Variants in PIWIL1 observed in about 807,000 individuals in gnomAD.
PIWIL1 encodes piwi-like protein 1.
PIWIL1 carries 73 observed loss-of-function variants against 114.4 expected under a neutral mutation model. The ratio of observed to expected loss-of-function variants is 0.64; its 90% CI spans 0.53 to 0.78. PIWIL1 has a LOEUF of 0.78. Among genes scored for constraint, PIWIL1 ranks in the 30% least tolerant of loss-of-function variants. The pLI is 0.00. For missense variants in PIWIL1, 723 were observed against 1,063.1 expected, an observed-to-expected ratio of 0.68 and a Z score of 4.45; for synonymous variants, 375 against 369.0, an observed-to-expected ratio of 1.02 and a Z score of -0.19.
the PIWIL1 span, among the ~76,000 whole-genome samples, chr12:130,380,808 T>C: frequency 6.6e-6 from 1 of 152,250 alleles, no homozygotes; most frequent in Non-Finnish European, 1.5e-5. Flanking sequence ...CTGTTGATTA[T>C]GTGCAGGAGA....
chr12:130,392,315 A>ACG, the PIWIL1 span, among the ~76,000 whole-genome samples: 249 of 108,208 alleles, frequency 2.3e-3, 67 homozygotes, highest in Non-Finnish European at 3.1e-3. Context: ...CACCGTCATC[A>ACG]TGTGTCCGTC....
intron 1 of PIWIL1, chr12:130,342,344 A>T: frequency 1.9e-6 from 1 of 530,056 alleles, no homozygotes; most frequent in Non-Finnish European, 3.4e-6. Flanking sequence ...GTCTTATATT[A>T]AAATAGGTTT....
downstream of PIWIL1, among the ~76,000 whole-genome samples, chr12:130,376,945 C>T (rs1390832986): frequency 6.6e-6 from 1 of 152,206 alleles, no homozygotes. Context: ...GCCTGGTTTC[C>T]TCTGCCTGCT....
At chr12:130,422,427 A>G in the PIWIL1 span, 101 of 1,523,432 alleles carry the variant, frequency 6.6e-5, 1 homozygote, top group Non-Finnish European at 8.1e-5. This position sits in a 1 kb window ranked among gnomAD's most constrained non-coding sequence, Gnocchi z 5.2. Flanking sequence ...GCTGAAAGAC[A>G]CAACAGCGAT....
chr12:130,355,595 C>T lies in PIWIL1; in HGVS notation c.1332C>T (p.Ser444=). ...GGGAGCTTCGAGACTGGGGTTTGAG[C>T]TTTGATTCCAACTTACTGTCCTTCT... The part of the protein sequence containing the change: ...VQRELRDWGL[S]FDSNLLSFSG... The change falls in exon 12 of 21, where the codon AGC becomes AGT. Residue 444 remains serine, a synonymous_variant. Transcript: ENST00000245255. 6.2e-7 allele frequency: 1 copy of T among 1,614,128 alleles called. No individual in the cohort carries two copies. The highest frequency in any genetic ancestry group is 1.1e-5 in the South Asian group (1 of 91,086).
chr12:130,368,585 C>T (rs1219756447), intron 19 of PIWIL1, among the ~76,000 whole-genome samples: 1 of 152,018 alleles, frequency 6.6e-6, no homozygotes, highest in Non-Finnish European at 1.5e-5. Context: ...AGGATTCTAG[C>T]CTATTGGGGA....
chr12:130,355,531 T>A (rs1342166718), intron 11 of PIWIL1, 22 bp from the exon 12 acceptor site: 2 of 1,525,976 alleles, frequency 1.3e-6, no homozygotes, highest in Non-Finnish European at 9.1e-7. Flanking sequence ...TTGAGTCGCA[T>A]GTAAATGTGT....
intron 4 of PIWIL1, 108 bp from the exon 5 acceptor site, chr12:130,346,262 C>A: frequency 1.3e-6 from 1 of 770,300 alleles, no homozygotes; most frequent in Non-Finnish European, 2.1e-6. Flanking sequence ...TTGTCTGCTG[C>A]TCTTAGCCTT....
the PIWIL1 span, among the ~76,000 whole-genome samples, chr12:130,408,825 C>T: frequency 2.6e-5 from 4 of 152,190 alleles, no homozygotes; most frequent in African/African-American, 4.8e-5. Context: ...AATATCTCAA[C>T]GGCAACTAAA....
chr12:130,350,866 A>G (rs1420087866), intron 9 of PIWIL1: 1 of 152,172 alleles, frequency 6.6e-6, no homozygotes, highest in Non-Finnish European at 1.5e-5. Context: ...GTGGCCTTGG[A>G]AAGGTCTGTG....
At chr12:130,357,397 T>A in intron 13 of PIWIL1, 84 bp from the exon 14 acceptor site, 1 of 991,380 alleles carries the variant, frequency 1.0e-6, no homozygotes, top group Middle Eastern at 2.1e-4. Context: ...CGGAAACGTT[T>A]CCTGTGTTAC....
chr12:130,372,809 C>T (rs1423633714), downstream of PIWIL1, among the ~76,000 whole-genome samples: 1 of 152,014 alleles, frequency 6.6e-6, no homozygotes, highest in Non-Finnish European at 1.5e-5. Context: ...TTTATATCTA[C>T]ATATTTATAG....
downstream of PIWIL1, among the ~76,000 whole-genome samples, chr12:130,375,809 T>A (rs968065661): frequency 6.6e-6 from 1 of 152,240 alleles, no homozygotes; most frequent in Admixed American, 6.5e-5. Context: ...CATCCTCTCT[T>A]GAATCCAGTG....
intron 18 of PIWIL1, 102 bp from the exon 19 acceptor site, chr12:130,367,031 G>A: frequency 1.5e-6 from 2 of 1,326,706 alleles, no homozygotes; most frequent in Non-Finnish European, 1.1e-6. Flanking sequence ...CGCCCCAGGA[G>A]GGATGTGTTC....
chr12:130,415,808 A>C, the PIWIL1 span, among the ~76,000 whole-genome samples: 1 of 152,250 alleles, frequency 6.6e-6, no homozygotes, highest in Non-Finnish European at 1.5e-5. Flanking sequence ...GAAAACCCTG[A>C]AGACTCTGCT....
At chr12:130,413,992 T>G in the PIWIL1 span, 155 of 947,022 alleles carry the variant, frequency 1.6e-4, no homozygotes, top group African/African-American at 2.4e-3. Context: ...CCATGCCACC[T>G]CCTCCCGTGC....
chr12:130,399,206 A>G, the PIWIL1 span: 2 of 1,125,620 alleles, frequency 1.8e-6, no homozygotes, highest in Non-Finnish European at 2.3e-6. Flanking sequence ...ATATATATAA[A>G]AATATAATAT....
intron 13 of PIWIL1, 21 bp downstream of exon 13, chr12:130,357,126 C>T: frequency 1.3e-6 from 2 of 1,586,840 alleles, no homozygotes; most frequent in Non-Finnish European, 1.7e-6. Context: ...CAAGTCATTT[C>T]TGCTCTGAAA....
chr12:130,391,771 A>T, the PIWIL1 span, among the ~76,000 whole-genome samples: 2 of 140,964 alleles, frequency 1.4e-5, no homozygotes, highest in Non-Finnish European at 3.1e-5. Flanking sequence ...AGGGGTGAGG[A>T]TGCAGACAGG....
Sources: gnomAD v4.1 joint callset for allele counts (sites outside exome capture counted in the v4.1 genomes callset) on GRCh38, gnomAD v4.1.1 for gene constraint, Gnocchi (gnomAD v3.1) non-coding constraint, MANE v1.5 for transcripts, NCBI Gene and HGNC (gene_info 2026-07-23, HGNC 2026-07-21) for gene names.